Variants in ZNF521 observed in about 807,000 individuals in gnomAD.
The protein encoded by ZNF521 is zinc finger protein 521, also known as LYST-interacting protein 3.
A neutral mutation model predicts 105.5 loss-of-function variants in ZNF521; 14 were observed. That is an observed-to-expected ratio of 0.13 (90% confidence interval 0.09 to 0.21). The LOEUF (loss-of-function observed/expected upper bound fraction) is 0.21. Among genes scored for constraint, ZNF521 ranks in the 10% least tolerant of loss-of-function variants. The pLI is 1.00. For synonymous variants in ZNF521, 635 were observed against 606.0 expected (o/e 1.05, Z -0.70); for missense variants, 1,233 against 1,629.7 (o/e 0.76, Z 4.19).
intron 5 of ZNF521, among the ~76,000 whole-genome samples, chr18:25,184,806 A>G (rs8098404): frequency 0.019 from 2,935 of 152,306 alleles, 104 homozygotes; most frequent in African/African-American, 0.067. Context: ...TTGAAAATAA[A>G]TGGACACAGG....
chr18:25,207,003 T>C (rs533981604), intron 4 of ZNF521, among the ~76,000 whole-genome samples: 3 of 152,328 alleles, frequency 2.0e-5, no homozygotes, highest in South Asian at 2.1e-4. Context: ...TTTTAACCCC[T>C]TGATTTAACT....
At chr18:25,146,517 T>C (rs1434087055) in intron 5 of ZNF521, among the ~76,000 whole-genome samples, 1 of 152,180 alleles carries the variant, frequency 6.6e-6, no homozygotes, top group African/African-American at 2.4e-5. Context: ...TGAGCATCTT[T>C]TATGCCATGA....
intron 3 of ZNF521, chr18:25,302,802 A>G (rs1419477059): frequency 6.6e-6 from 1 of 152,230 alleles, no homozygotes; most frequent in Non-Finnish European, 1.5e-5. Context: ...TAAGAATGTA[A>G]GTTATCAACC....
chr18:25,263,615 G>C (rs558679355), intron 3 of ZNF521, among the ~76,000 whole-genome samples: 1 of 152,056 alleles, frequency 6.6e-6, no homozygotes, highest in Non-Finnish European at 1.5e-5. Context: ...TCGCTCTGTC[G>C]CCCAGGCTGG....
At chr18:25,281,784 G>T (rs1910395085) in intron 3 of ZNF521, among the ~76,000 whole-genome samples, 1 of 152,172 alleles carries the variant, frequency 6.6e-6, no homozygotes, top group South Asian at 2.1e-4. Context: ...CTTACCAAAA[G>T]ACTTTAGGAG....
chr18:25,289,716 T>G (rs1758053153), intron 3 of ZNF521, among the ~76,000 whole-genome samples: 1 of 152,228 alleles, frequency 6.6e-6, no homozygotes, highest in Non-Finnish European at 1.5e-5. Context: ...TGACTTCAGA[T>G]AGATAGTCAT....
At chr18:25,185,209 A>G (rs2035700389) in intron 5 of ZNF521, among the ~76,000 whole-genome samples, 1 of 152,184 alleles carries the variant, frequency 6.6e-6, no homozygotes, top group Non-Finnish European at 1.5e-5. Context: ...GATTTATAAC[A>G]TCTATACAAA....
chr18:25,098,700 T>C (rs906990120), intron 5 of ZNF521, among the ~76,000 whole-genome samples: 1 of 152,140 alleles, frequency 6.6e-6, no homozygotes, highest in Non-Finnish European at 1.5e-5. Flanking sequence ...AACTTGGATG[T>C]TGTTAACACA....
chr18:25,214,042 T>TCA (rs752782028), intron 4 of ZNF521, among the ~76,000 whole-genome samples: 1 of 152,080 alleles, frequency 6.6e-6, no homozygotes, highest in Non-Finnish European at 1.5e-5. Context: ...ATTTCAGATA[T>TCA]CACTCACCAG....
At chr18:25,343,762 C>T (rs1914336109) in intron 2 of ZNF521, among the ~76,000 whole-genome samples, 1 of 152,048 alleles carries the variant, frequency 6.6e-6, no homozygotes, top group Non-Finnish European at 1.5e-5. Flanking sequence ...TTTTTCAAAG[C>T]ATTTACTATC....
chr18:25,252,495 A>G (rs1030301684), intron 3 of ZNF521, among the ~76,000 whole-genome samples: 4 of 152,190 alleles, frequency 2.6e-5, no homozygotes, highest in African/African-American at 9.6e-5. Context: ...CTTCACGGAA[A>G]AATACAGAGG....
At position 25,273,181 on chromosome 18, in the gene ZNF521, C is replaced by A. The variant is rs1035256145; in HGVS notation, c.221-45484G>T. On this transcript the variant is annotated intron_variant, in intron 3 of 7. Transcript: ENST00000361524. ...TACGAAGGTTGCAGTGAGCCGAGAT[C>A]GCTCCTCTGTGCTCCCAAGAGGAGT... 8.5e-5 allele frequency among the ~76,000 whole-genome samples: 11 copies of A among 128,752 alleles called. No individual in the cohort carries two copies. In the Admixed American group the frequency reaches 1.0e-3, roughly 12 times the overall value. 84.5% of individuals were successfully genotyped at this position (128,752 alleles called of 152,430 possible).
intron 5 of ZNF521, among the ~76,000 whole-genome samples, chr18:25,141,630 A>G (rs1315969539): frequency 6.6e-6 from 1 of 152,206 alleles, no homozygotes; most frequent in Non-Finnish European, 1.5e-5. Context: ...TGTAGTCTAC[A>G]GAGGCTCAAA....
chr18:25,285,064 A>AG (rs952043342), intron 3 of ZNF521, among the ~76,000 whole-genome samples: 9 of 139,892 alleles, frequency 6.4e-5, no homozygotes, highest in African/African-American at 1.8e-4. Context: ...CAGAAAAGGG[A>AG]AAAAAAAAAA....
rs917142189 is a variant in ZNF521, at chr18:25,336,994, A to G, written c.40+13913T>C. Among the ~76,000 whole-genome samples, 12 of 152,348 alleles carry G rather than the reference A, an allele frequency of 7.9e-5. 1 individual carries two copies. In the South Asian group the frequency reaches 2.5e-3, roughly 32 times the overall value. On this transcript the variant is annotated intron_variant, in intron 2 of 7. Transcript: ENST00000361524. The stretch of plus-strand genomic sequence containing the variant: ...CCTCATTTACAGATGGAGAAACTGT[A>G]GTACAAGGTGATTTAATAACTTTCC...
intron 2 of ZNF521, among the ~76,000 whole-genome samples, chr18:25,340,449 G>A (rs1914135341): frequency 6.6e-6 from 1 of 152,010 alleles, no homozygotes; most frequent in South Asian, 2.1e-4. Flanking sequence ...GTAAATGGGT[G>A]GTCTTGATAA....
At chr18:25,202,977 T>C (rs1248690256) in intron 4 of ZNF521, 1 of 152,216 alleles carries the variant, frequency 6.6e-6, no homozygotes, top group Non-Finnish European at 1.5e-5. Flanking sequence ...TGTCTTACAG[T>C]GGTGGTGAAT....
intron 2 of ZNF521, among the ~76,000 whole-genome samples, chr18:25,329,282 C>CCCAA (rs10685434): frequency 0.51 from 77,199 of 151,804 alleles, 19,864 homozygotes; most frequent in African/African-American, 0.56. Flanking sequence ...TGTCCATTTA[C>CCCAA]CCAAGTTTGC....
At chr18:25,300,179 G>C (rs1310262240) in intron 3 of ZNF521, among the ~76,000 whole-genome samples, 1 of 152,200 alleles carries the variant, frequency 6.6e-6, no homozygotes, top group Admixed American at 6.5e-5. Context: ...CCCAGTGACA[G>C]TACAGTCTGA....
Sources: gnomAD v4.1 joint callset for allele counts (sites outside exome capture counted in the v4.1 genomes callset) on GRCh38, gnomAD v4.1.1 for gene constraint, MANE v1.5 for transcripts, NCBI Gene and HGNC (gene_info 2026-07-23, HGNC 2026-07-21) for gene names.